Variants in DYSF observed in about 807,000 individuals in gnomAD.
DYSF encodes dysferlin.
Under a neutral mutation model 274.9 loss-of-function variants are expected in DYSF, and 212 were observed. The observed-to-expected ratio is 0.77, with a 90% CI of 0.69 to 0.86. DYSF has a LOEUF of 0.86. DYSF is among the 40% of genes least tolerant of loss of function. The pLI is 0.00. For synonymous variants in DYSF, 1,091 were observed against 1,078.7 expected, an observed-to-expected ratio of 1.01 and a Z score of -0.22; for missense variants, 2,666 against 2,783.2, an observed-to-expected ratio of 0.96 and a Z score of 0.95.
At chr2:71,537,318 C>G (rs1389226099) in intron 16 of DYSF, among the ~76,000 whole-genome samples, 1 of 135,876 alleles carries the variant, frequency 7.4e-6, no homozygotes, top group East Asian at 2.2e-4. Context: ...GTGATCTTGG[C>G]TCATGCAACC....
At chr2:71,513,157 G>A (rs1236888919) in intron 5 of DYSF, 83 bp from the exon 6 acceptor site, 3 of 1,323,574 alleles carry the variant, frequency 2.3e-6, no homozygotes, top group Non-Finnish European at 3.2e-6. Context: ...AGGCAGGGTT[G>A]GGGATGGAGG....
chr2:71,480,919 T>G lies in DYSF; in HGVS notation c.128T>G (p.Val43Gly), dbSNP rs199772109. 2.5e-6 allele frequency: 4 copies of G among 1,614,066 alleles called. No homozygotes were observed. The Admixed American group carries it at 6.7e-5, about 27-fold the overall frequency. The change falls in exon 2 of 56, where the codon GTG (valine) becomes GGG (glycine). Residue 43 changes from valine to glycine, a missense_variant. Val to Gly is a moderately radical substitution (Grantham distance 109). Coordinates refer to ENST00000410020, the MANE Select transcript of DYSF (RefSeq NM_001130987.2). ...KKRTKVIKNS[V>G]NPVWNEGFEW... ...AGAACCAAAGTCATCAAGAACAGCG[T>G]GAACCCTGTATGGAATGAGGTATGT...
chr2:71,510,352 C>T (rs1053676800), intron 4 of DYSF, among the ~76,000 whole-genome samples: 3 of 152,202 alleles, frequency 2.0e-5, no homozygotes, highest in African/African-American at 7.2e-5. Flanking sequence ...CTTTTCCCCT[C>T]CACGGGTTGC....
rs1451079560 is a variant in DYSF at position 71,481,916 on chromosome 2, A to G, written c.185A>G (p.Gln62Arg). 3 of 1,614,048 alleles carry G rather than the reference A, an allele frequency of 1.9e-6. No individual in the cohort carries two copies. Among genetic ancestry groups the G allele is most frequent in the Admixed American group, 3.3e-5 (2 of 60,006 alleles). The stretch of plus-strand genomic sequence containing the variant: ...GACCTCAAGGGCATCCCCCTGGACC[A>G]GGGCTCTGAGCTTCATGTGGTGGTC... ...EWDLKGIPLDQGSELHVVVKD... is the reference protein window; with the variant it reads ...EWDLKGIPLDRGSELHVVVKD... Residue 62 changes from glutamine to arginine, a missense_variant, in exon 3 of 56, where the codon CAG becomes CGG. Gln to Arg is a conservative substitution (Grantham distance 43, BLOSUM62 1). Transcript: ENST00000410020.
rs564440874 is a variant in DYSF, at chr2:71,558,020, AG to A, written c.2216+1950del. Reference sequence around the variant, plus strand: ...ACACTCCAGACTGGGTGACAGAGCAAGACTCTGTCTCAAAAAAAAAAAAAGT... The same window carrying A: ...ACACTCCAGACTGGGTGACAGAGCAAACTCTGTCTCAAAAAAAAAAAAAGT... On this transcript the variant is annotated intron_variant, in intron 22 of 55. Transcript: ENST00000410020. 2.7e-3 allele frequency among the ~76,000 whole-genome samples: 414 copies of A among 151,786 alleles called. 2 individuals carry two copies. Among genetic ancestry groups the A allele is most frequent in the African/African-American group, 8.9e-3 (369 of 41,262 alleles).
At chr2:71,496,441 A>G (rs994014648) in intron 3 of DYSF, among the ~76,000 whole-genome samples, 5 of 152,304 alleles carry the variant, frequency 3.3e-5, no homozygotes, top group Middle Eastern at 3.4e-3. Context: ...TGTGGTTTCC[A>G]AGGGAAGGAA....
intron 41 of DYSF, among the ~76,000 whole-genome samples, chr2:71,642,471 C>T (rs1235986061): frequency 6.6e-6 from 1 of 152,224 alleles, no homozygotes; most frequent in Non-Finnish European, 1.5e-5. Flanking sequence ...GAACTTTAAA[C>T]ATCAAGGCTT....
At chr2:71,670,113 C>T (rs2095093231) in intron 51 of DYSF, among the ~76,000 whole-genome samples, 1 of 152,204 alleles carries the variant, frequency 6.6e-6, no homozygotes, top group African/African-American at 2.4e-5. Context: ...CCCCCAAAGC[C>T]ACCTCCACCA....
intron 25 of DYSF, 35 bp from the exon 26 acceptor site, chr2:71,568,137 C>T (rs1346714217): frequency 1.9e-6 from 3 of 1,614,202 alleles, no homozygotes; most frequent in Non-Finnish European, 2.5e-6. Flanking sequence ...CTGCCTTGGC[C>T]CCCTGCTCAC....
chr2:71,562,813 CTG>C (rs996105012), intron 23 of DYSF, among the ~76,000 whole-genome samples: 4 of 152,286 alleles, frequency 2.6e-5, no homozygotes, highest in Admixed American at 1.3e-4. Context: ...CTGGTGGACA[CTG>C]TGTCGCTCAG....
intron 30 of DYSF, among the ~76,000 whole-genome samples, chr2:71,587,139 C>T (rs1331953824): frequency 6.6e-6 from 1 of 152,206 alleles, no homozygotes; most frequent in East Asian, 1.9e-4. Flanking sequence ...TTTGGTGTTG[C>T]ACACCCTGCA....
chr2:71,652,830 A>G (rs1325868178), intron 42 of DYSF, among the ~76,000 whole-genome samples: 1 of 152,244 alleles, frequency 6.6e-6, no homozygotes, highest in Non-Finnish European at 1.5e-5. Flanking sequence ...CAAACAAACA[A>G]AAGGAGGCGT....
intron 52 of DYSF, 72 bp from the exon 53 acceptor site, chr2:71,678,985 C>T (rs1014164576): frequency 6.2e-6 from 9 of 1,440,386 alleles, no homozygotes; most frequent in Non-Finnish European, 8.8e-6. Context: ...CCTGAACCTG[C>T]CCTGCCTAAG....
At chr2:71,617,680 T>G (rs1361024204) in intron 40 of DYSF, among the ~76,000 whole-genome samples, 115 of 59,840 alleles carry the variant, frequency 1.9e-3, no homozygotes, top group African/African-American at 2.5e-3. Context: ...GTGTGTGTGG[T>G]AGAGGTGGGG....
chr2:71,638,004 G>A (rs1238096299), intron 41 of DYSF, among the ~76,000 whole-genome samples: 1 of 152,034 alleles, frequency 6.6e-6, no homozygotes, highest in Non-Finnish European at 1.5e-5. Flanking sequence ...AACAGCAGCT[G>A]CCAGACATCA....
intron 3 of DYSF, 69 bp downstream of exon 3, chr2:71,482,039 C>T: frequency 7.7e-7 from 1 of 1,294,920 alleles, no homozygotes. Context: ...ATACAGACTG[C>T]AGAATCCCAG....
chr2:71,611,344 G>T lies in DYSF; in HGVS notation c.4057G>T (p.Glu1353Ter). 6.2e-7 allele frequency: 1 copy of T among 1,613,750 alleles called. No individual in the cohort carries two copies. Among genetic ancestry groups the T allele is most frequent in the Non-Finnish European group, 8.5e-7 (1 of 1,179,892 alleles). The change falls in exon 37 of 56, where the codon GAG becomes TAG. Residue 1353 changes from glutamate to a stop codon, truncating the protein, a stop_gained and splice_region_variant. Coordinates refer to ENST00000410020, the MANE Select transcript of DYSF (RefSeq NM_001130987.2). LOFTEE classifies it high-confidence loss of function. ...GCCAGCGCTCCAGCGTACCGCCATC[G>T]AGGTGAGCCGTCCGGGCCTGGGCGT... ...IKPALQRTAI[E>*]ILAWGLRNMK...
At chr2:71,553,689 C>A in intron 20 of DYSF, 118 bp from the exon 21 acceptor site, 1 of 1,324,216 alleles carries the variant, frequency 7.6e-7, no homozygotes, top group Non-Finnish European at 1.1e-6. Flanking sequence ...ACGTGTGGTC[C>A]CTTTCCCAGC....
chr2:71,569,671 C>A, intron 26 of DYSF, 149 bp from the exon 27 acceptor site: 1 of 708,140 alleles, frequency 1.4e-6, no homozygotes. Flanking sequence ...CTGCCTTGGT[C>A]TCTTGCACCC....
Sources: allele counts gnomAD v4.1 joint callset (sites outside exome capture counted in the v4.1 genomes callset), GRCh38; gene constraint gnomAD v4.1.1; transcripts MANE v1.5; gene names NCBI Gene and HGNC (gene_info 2026-07-23, HGNC 2026-07-21).